VASH2: variants seen among roughly 807,000 people sequenced by gnomAD.
VASH2 encodes vasohibin 2.
In VASH2, 28 loss-of-function variants were observed where a neutral mutation model predicts 37.2. The observed-to-expected ratio is 0.75, with a 90% CI of 0.56 to 1.03. The LOEUF (loss-of-function observed/expected upper bound fraction) is 1.03, where lower values mean the gene tolerates loss of function less well. Ranked by LOEUF, VASH2 falls within the 50% of genes least tolerant of loss-of-function variation. The pLI is 0.00. For synonymous variants in VASH2, 188 were observed against 174.7 expected (o/e 1.08, Z -0.60); for missense variants, 419 against 459.1 (o/e 0.91, Z 0.80).
intron 2 of VASH2, among the ~76,000 whole-genome samples, chr1:212,958,568 C>A (rs1046486444): frequency 1.3e-5 from 2 of 152,222 alleles, no homozygotes; most frequent in Non-Finnish European, 2.9e-5. Flanking sequence ...GACTCTTGAA[C>A]CAAGTCACTG....
rs1295563328 is a variant in VASH2, at chr1:212,988,561, G to A, written c.1045G>A (p.Val349Met). 6.2e-7 allele frequency: 1 copy of A among 1,614,160 alleles called. No homozygotes were observed. The highest frequency in any genetic ancestry group is 2.2e-5 in the East Asian group (1 of 44,888). Residue 349 changes from valine (V) to methionine (M), a missense_variant, in exon 8 of 8, where the codon GTG (valine) becomes ATG (methionine). Around this residue, in one of 3 missense-constraint regions of VASH2, gnomAD observed 177 missense variants for 166.2 expected, o/e 1.06. Coordinates refer to ENST00000517399, the MANE Select transcript of VASH2 (RefSeq NM_001301056.2). ...GGCTGATCTGAGCACTCTGAATGAAGTGGGCTATCAAATCCGAATTTAGCC... is the reference window on the plus strand; with the variant it reads ...GGCTGATCTGAGCACTCTGAATGAAATGGGCTATCAAATCCGAATTTAGCC... ...KVADLSTLNE[V>M]GYQIRI is the part of the protein sequence containing the mutation.
intron 5 of VASH2, chr1:212,968,453 A>G (rs1666912725): frequency 1.0e-6 from 1 of 985,382 alleles, no homozygotes; most frequent in South Asian, 4.7e-5. Flanking sequence ...TCTCCTGGAC[A>G]TCTTTGTGGG....
At chr1:212,983,868 G>A (rs899902591) in intron 7 of VASH2, among the ~76,000 whole-genome samples, 11 of 152,160 alleles carry the variant, frequency 7.2e-5, no homozygotes, top group Non-Finnish European at 8.8e-5. Context: ...TTTGCATTGT[G>A]GTTCAGGGTG....
chr1:212,969,480 A>G (rs908411758), intron 5 of VASH2, among the ~76,000 whole-genome samples: 22 of 146,796 alleles, frequency 1.5e-4, no homozygotes, highest in East Asian at 4.0e-4. Flanking sequence ...ATAGGCGTGA[A>G]CCACTGCACC....
intron 5 of VASH2, chr1:212,967,421 T>A: frequency 1.7e-6 from 2 of 1,186,508 alleles, no homozygotes; most frequent in Non-Finnish European, 2.1e-6. Context: ...TCCTATGGGA[T>A]GGATGGCTGT....
chr1:212,970,662 G>T (rs115718029), intron 5 of VASH2, among the ~76,000 whole-genome samples: 13 of 152,250 alleles, frequency 8.5e-5, no homozygotes, highest in South Asian at 2.1e-4. Context: ...GGCCGAGGAG[G>T]ACAGATTACC....
Position 212,972,902 on chromosome 1 carries a change from A to ACGT in VASH2, c.820_821insCGT (p.Met274delinsThrLeu). 6.2e-7 allele frequency: 1 copy of ACGT among 1,614,140 alleles called. No individual in the cohort carries two copies. Among genetic ancestry groups the ACGT allele is most frequent in the East Asian group, 2.2e-5 (1 of 44,888 alleles). ...GCAGCTGGTCCTCAACGTCTCAAAG[A>ACGT]TGCTGAGGGCTGACATAAGGAAGGA... On this transcript the variant is annotated protein_altering_variant, in exon 6 of 8. Transcript: ENST00000517399.
chr1:212,965,719 C>T lies in VASH2; in HGVS notation c.366-3C>T, dbSNP rs1374239910. The T allele has an allele frequency of 1.9e-6, 3 of 1,551,286 alleles. No homozygotes were observed. The highest frequency in any genetic ancestry group is 2.6e-6 in the Non-Finnish European group (3 of 1,146,326). On this transcript the variant is annotated splice_region_variant and splice_polypyrimidine_tract_variant and intron_variant, in intron 3 of 7. Coordinates refer to ENST00000517399, the MANE Select transcript of VASH2 (RefSeq NM_001301056.2). ...TCACTTTCCCTTTACATACTTTACA[C>T]AGATATAATCACACAGGGACCCAGT...
In VASH2 at chr1:212,951,853, G is replaced by A; in HGVS notation, c.276+35G>A. The A allele has an allele frequency of 6.3e-7, 1 of 1,579,952 alleles. No individual in the cohort carries two copies. The highest frequency in any genetic ancestry group is 8.6e-7 in the Non-Finnish European group (1 of 1,169,094). On this transcript the variant is annotated intron_variant, in intron 2 of 7. Coordinates refer to ENST00000517399, the MANE Select transcript of VASH2 (RefSeq NM_001301056.2). This position sits in a 1 kb window ranked among gnomAD's most constrained non-coding sequence, Gnocchi z 4.4. ...TTCCAGGGCGGAGTTGGGGGGCTGG[G>A]GGTAGGTAGGCAGCGATGGGACCGT...
chr1:212,958,854 C>G lies in VASH2; in HGVS notation c.277-2312C>G, dbSNP rs1464021614. On this transcript the variant is annotated intron_variant, in intron 2 of 7. Transcript: ENST00000517399. ...TCAGCCTCCTGAGTAGCTGAAACTA[C>G]AGGCGTGCATCACCATGCTCGGCTA... Among the ~76,000 whole-genome samples, 4 of 152,068 alleles carry G rather than the reference C, an allele frequency of 2.6e-5. 1 individual carries two copies. The highest frequency in any genetic ancestry group is 2.6e-4 in the Admixed American group (4 of 15,262).
At chr1:212,967,603 T>G in intron 5 of VASH2, 2 of 265,892 alleles carry the variant, frequency 7.5e-6, no homozygotes, top group Non-Finnish European at 1.3e-5. Flanking sequence ...GTATATGCTC[T>G]AGAGAGGTAG....
chr1:212,968,910 T>C (rs1306836600), intron 5 of VASH2: 1 of 985,376 alleles, frequency 1.0e-6, no homozygotes, highest in Non-Finnish European at 1.2e-6. Flanking sequence ...GTCATTGAAA[T>C]GACCACCTCC....
In VASH2 at chr1:212,979,560, C is replaced by T. The variant is rs190836648; in HGVS notation, c.995+5490C>T. On this transcript the variant is annotated intron_variant, in intron 7 of 7. Coordinates refer to ENST00000517399, the MANE Select transcript of VASH2 (RefSeq NM_001301056.2). ...GCATTATATCCCCATCCACCTCCTC[C>T]CTCCAGCTGGAGCGACTTCCAGCCT... Among the ~76,000 whole-genome samples, 14 of 152,310 alleles carry T rather than the reference C, an allele frequency of 9.2e-5. 1 individual carries two copies. The highest frequency in any genetic ancestry group is 3.4e-4 in the African/African-American group (14 of 41,560).
At chr1:212,987,069 G>C (rs943950938) in intron 7 of VASH2, among the ~76,000 whole-genome samples, 1 of 151,972 alleles carries the variant, frequency 6.6e-6, no homozygotes, top group African/African-American at 2.4e-5. Flanking sequence ...AGGGGTAGTG[G>C]AATTGCTGGC....
At chr1:212,953,361 G>A (rs1427528979) in intron 2 of VASH2, among the ~76,000 whole-genome samples, 1 of 152,174 alleles carries the variant, frequency 6.6e-6, no homozygotes, top group Non-Finnish European at 1.5e-5. Context: ...CTGCTTCCCA[G>A]GGCAGCTGAT....
intron 3 of VASH2, among the ~76,000 whole-genome samples, chr1:212,964,104 C>T (rs1421966592): frequency 6.6e-6 from 1 of 152,184 alleles, no homozygotes; most frequent in East Asian, 1.9e-4. Context: ...CCAGCCCTCA[C>T]CCTGGAGCTT....
chr1:212,988,065 C>T (rs1667534299), intron 7 of VASH2, among the ~76,000 whole-genome samples: 2 of 152,256 alleles, frequency 1.3e-5, no homozygotes, highest in Admixed American at 6.5e-5. Flanking sequence ...TTAACCGCTC[C>T]CTGGGAACGT....
rs376488895 is a variant in VASH2, at chr1:212,951,475, C to G, written c.-68C>G. 10,764 of 1,031,612 alleles carry G rather than the reference C, an allele frequency of 0.01. 60 individuals are homozygous for G. Among genetic ancestry groups the G allele is most frequent in the East Asian group, 0.048 (931 of 19,348 alleles). The allele number at this position is 1,031,612 out of a possible 1,614,324, so 63.9% of individuals were successfully genotyped here. On this transcript the variant is annotated 5_prime_UTR_variant, in exon 2 of 8. Coordinates refer to ENST00000517399, the MANE Select transcript of VASH2 (RefSeq NM_001301056.2). This position sits in a 1 kb window ranked among gnomAD's most constrained non-coding sequence, Gnocchi z 4.4. Reference sequence around the variant, plus strand: ...CCTCGCCGCGCCCGCGCGCACACGCCCCCCGCCGCCGCCGCCGCTGCCGCC... The same window carrying G: ...CCTCGCCGCGCCCGCGCGCACACGCGCCCCGCCGCCGCCGCCGCTGCCGCC...
intron 2 of VASH2, among the ~76,000 whole-genome samples, chr1:212,960,003 G>T (rs1666623540): frequency 6.6e-6 from 1 of 152,198 alleles, no homozygotes; most frequent in African/African-American, 2.4e-5. Context: ...GGACCCCAGG[G>T]AGACAGAGGT....
Sources: allele counts gnomAD v4.1 joint callset (sites outside exome capture counted in the v4.1 genomes callset), GRCh38; gene constraint gnomAD v4.1.1; regional missense constraint gnomAD v4.1.1; non-coding constraint Gnocchi (gnomAD v3.1); transcripts MANE v1.5; gene names NCBI Gene and HGNC (gene_info 2026-07-23, HGNC 2026-07-21).